ARHGAP15: variants seen among roughly 807,000 people sequenced by gnomAD.
ARHGAP15 encodes Rho GTPase activating protein 15, also known as rho GTPase-activating protein 15.
A neutral mutation model predicts 63.7 loss-of-function variants in ARHGAP15; 51 were observed. That is an observed-to-expected ratio of 0.80 (90% CI 0.64 to 1.01). The LOEUF is 1.01. Ranked by LOEUF, ARHGAP15 falls within the 50% of genes least tolerant of loss-of-function variation. The pLI is 0.00. For synonymous variants in ARHGAP15, 191 were observed against 193.8 expected, an observed-to-expected ratio of 0.99 and a Z score of 0.12; for missense variants, 560 against 564.6, an observed-to-expected ratio of 0.99 and a Z score of 0.08.
intron 6 of ARHGAP15, among the ~76,000 whole-genome samples, chr2:143,346,194 T>A (rs28375399): frequency 5.1e-5 from 7 of 138,254 alleles, no homozygotes; most frequent in African/African-American, 1.7e-4. Flanking sequence ...ACACACACAC[T>A]CTCTCTCTCA....
At chr2:143,462,176 CTT>C (rs1463884369) in intron 8 of ARHGAP15, among the ~76,000 whole-genome samples, 1 of 151,980 alleles carries the variant, frequency 6.6e-6, no homozygotes, top group Non-Finnish European at 1.5e-5. Flanking sequence ...ATAAAATAGA[CTT>C]ATTACCAGGT....
chr2:143,522,344 A>C (rs1014734419), intron 10 of ARHGAP15, among the ~76,000 whole-genome samples: 2 of 152,168 alleles, frequency 1.3e-5, no homozygotes, highest in Non-Finnish European at 2.9e-5. Flanking sequence ...GTTAAGGAGC[A>C]TGTTAGTCTT....
At chr2:143,448,075 G>T (rs1365041591) in intron 8 of ARHGAP15, among the ~76,000 whole-genome samples, 1 of 152,188 alleles carries the variant, frequency 6.6e-6, no homozygotes, top group Non-Finnish European at 1.5e-5. Context: ...TGGAACTCTA[G>T]CAGTTTTTCA....
intron 13 of ARHGAP15, among the ~76,000 whole-genome samples, chr2:143,745,515 T>C (rs1278806054): frequency 1.3e-5 from 2 of 152,226 alleles, no homozygotes; most frequent in African/African-American, 4.8e-5. Context: ...CATGTCTGTT[T>C]CCTTAAAAAT....
At chr2:143,293,909 G>T (rs1377969182) in intron 6 of ARHGAP15, among the ~76,000 whole-genome samples, 1 of 151,896 alleles carries the variant, frequency 6.6e-6, no homozygotes, top group Non-Finnish European at 1.5e-5. Context: ...TATAGTTAAG[G>T]CAGAGACAAC....
At chr2:143,513,963 T>C (rs1693694141) in intron 9 of ARHGAP15, among the ~76,000 whole-genome samples, 1 of 152,216 alleles carries the variant, frequency 6.6e-6, no homozygotes, top group Non-Finnish European at 1.5e-5. Flanking sequence ...AAAATGAAGA[T>C]GATGATAGTA....
At chr2:143,547,621 G>A (rs1695387480) in intron 10 of ARHGAP15, among the ~76,000 whole-genome samples, 1 of 150,692 alleles carries the variant, frequency 6.6e-6, no homozygotes, top group Admixed American at 6.6e-5. Flanking sequence ...TAAATATAAG[G>A]GAAAATTCTA....
At chr2:143,391,408 C>T (rs1297789006) in intron 6 of ARHGAP15, among the ~76,000 whole-genome samples, 5 of 152,056 alleles carry the variant, frequency 3.3e-5, no homozygotes, top group Non-Finnish European at 4.4e-5. Context: ...TAGATGCAAC[C>T]ACAGAGAAAC....
intron 10 of ARHGAP15, among the ~76,000 whole-genome samples, chr2:143,548,315 T>C (rs1695415290): frequency 6.6e-6 from 1 of 152,142 alleles, no homozygotes; most frequent in Admixed American, 6.6e-5. Flanking sequence ...TCCTTTCTGA[T>C]TCAAGAGTCT....
At chr2:143,533,429 G>A (rs559958894) in intron 10 of ARHGAP15, 1 of 152,242 alleles carries the variant, frequency 6.6e-6, no homozygotes, top group African/African-American at 2.4e-5. Context: ...GTCACCTTGA[G>A]CCCCTGTCTG....
intron 11 of ARHGAP15, chr2:143,601,570 C>G (rs1215743290): frequency 3.3e-5 from 5 of 152,216 alleles, no homozygotes; most frequent in Middle Eastern, 3.4e-3. Flanking sequence ...TCACCTTTCT[C>G]TTAGTAAATA....
intron 10 of ARHGAP15, among the ~76,000 whole-genome samples, chr2:143,531,171 C>T (rs150382104): frequency 4.6e-5 from 7 of 151,874 alleles, no homozygotes; most frequent in African/African-American, 1.7e-4. Context: ...AATATCCTAA[C>T]TGAGGACATT....
rs147092444 is a variant in ARHGAP15, at chr2:143,210,144, C to T, written c.235-6240C>T. ...AGGCAAAGAACGAGGAACATATTTACATCAAAGACACAAATAAATAGAATT... is the reference window on the plus strand; with the variant it reads ...AGGCAAAGAACGAGGAACATATTTATATCAAAGACACAAATAAATAGAATT... On this transcript the variant is annotated intron_variant, in intron 3 of 13. Coordinates refer to ENST00000295095, the MANE Select transcript of ARHGAP15 (RefSeq NM_018460.4). Among the ~76,000 whole-genome samples, 27 of 151,420 alleles carry T rather than the reference C, an allele frequency of 1.8e-4. No individual in the cohort carries two copies. In the East Asian group the frequency reaches 5.0e-3, roughly 28 times the overall value.
At chr2:143,331,648 CA>C (rs2105259868) in intron 6 of ARHGAP15, among the ~76,000 whole-genome samples, 1 of 152,024 alleles carries the variant, frequency 6.6e-6, no homozygotes, top group African/African-American at 2.4e-5. Context: ...TATCTCTTTC[CA>C]AAAGAAATAT....
chr2:143,254,426 A>AAG (rs1553454914), intron 6 of ARHGAP15, among the ~76,000 whole-genome samples: 2 of 152,046 alleles, frequency 1.3e-5, no homozygotes, highest in African/African-American at 4.8e-5. Flanking sequence ...AAAAAAAAAA[A>AAG]AAACTCTTAT....
intron 10 of ARHGAP15, among the ~76,000 whole-genome samples, chr2:143,555,448 A>G (rs1211751705): frequency 1.3e-5 from 2 of 152,292 alleles, no homozygotes; most frequent in African/African-American, 4.8e-5. Context: ...CACATCAAAG[A>G]ATATACATTC....
intron 5 of ARHGAP15, among the ~76,000 whole-genome samples, chr2:143,230,707 G>C (rs1693399709): frequency 6.6e-6 from 1 of 152,182 alleles, no homozygotes; most frequent in Admixed American, 6.5e-5. Context: ...CAGTATTAAA[G>C]GCCTAGTGGG....
intron 6 of ARHGAP15, among the ~76,000 whole-genome samples, chr2:143,365,458 A>G (rs1434832898): frequency 1.3e-5 from 2 of 152,210 alleles, no homozygotes; most frequent in Non-Finnish European, 2.9e-5. Context: ...TTGTGTGACA[A>G]TGCTGATCCC....
At chr2:143,371,815 T>C (rs1400328809) in intron 6 of ARHGAP15, among the ~76,000 whole-genome samples, 2 of 152,160 alleles carry the variant, frequency 1.3e-5, no homozygotes, top group African/African-American at 4.8e-5. Flanking sequence ...TCATTGAGTT[T>C]TCAGTTTGTG....
Sources: gnomAD v4.1 joint callset for allele counts (sites outside exome capture counted in the v4.1 genomes callset) on GRCh38, gnomAD v4.1.1 for gene constraint, MANE v1.5 for transcripts, NCBI Gene and HGNC (gene_info 2026-07-23, HGNC 2026-07-21) for gene names.